The following ZNF14 variants were observed in gnomAD, a reference collection of about 807,000 sequenced individuals.
The protein encoded by ZNF14 is zinc finger protein 14.
Under a neutral mutation model 11.3 loss-of-function variants are expected in ZNF14, and 9 were observed. That is an observed-to-expected ratio of 0.80 (90% confidence interval 0.48 to 1.39). The LOEUF (loss-of-function observed/expected upper bound fraction) is 1.39. Among genes scored for constraint, ZNF14 ranks in the 40% most tolerant of loss-of-function variants. The probability of loss-of-function intolerance (pLI) is 0.00; values close to 1 mark genes in which losing one functional copy is unlikely to be tolerated. For synonymous variants in ZNF14, 239 were observed against 245.7 expected (o/e 0.97, Z 0.25); for missense variants, 711 against 763.9 (o/e 0.93, Z 0.82).
At chr19:19,715,248 T>C (rs1362948860) in intron 1 of ZNF14, among the ~76,000 whole-genome samples, 1 of 152,190 alleles carries the variant, frequency 6.6e-6, no homozygotes, top group Non-Finnish European at 1.5e-5. Flanking sequence ...CTTCAAGAAC[T>C]GTAGGCTTTT....
At chr19:19,729,304 A>C (rs979754220) in intron 1 of ZNF14, among the ~76,000 whole-genome samples, 4 of 137,836 alleles carry the variant, frequency 2.9e-5, no homozygotes, top group African/African-American at 8.2e-5. Flanking sequence ...GATCCTCATC[A>C]CTTTACACAC....
chr19:19,725,062 G>C (rs1258684344), intron 1 of ZNF14, among the ~76,000 whole-genome samples: 1 of 133,162 alleles, frequency 7.5e-6, no homozygotes, highest in East Asian at 2.1e-4. Flanking sequence ...CTTTTAATTG[G>C]AGCATTTACC....
chr19:19,725,030 T>C (rs2062403149), intron 1 of ZNF14, among the ~76,000 whole-genome samples: 1 of 133,904 alleles, frequency 7.5e-6, no homozygotes, highest in South Asian at 2.4e-4. Flanking sequence ...GTTGACTCTT[T>C]ATCCAATTTG....
Position 19,712,803 on chromosome 19 carries a change from C to T in ZNF14, c.478G>A (p.Glu160Lys). Reference protein sequence around the residue: ...FSYHHCFRKHERTHTGVKPYE... With the variant: ...FSYHHCFRKHKRTHTGVKPYE... Reference sequence around the variant, plus strand: ...GGCTTCACTCCAGTGTGAGTTCTTTCATGTTTGCGAAAGCAGTGGTGATAA... The same window carrying T: ...GGCTTCACTCCAGTGTGAGTTCTTTTATGTTTGCGAAAGCAGTGGTGATAA... Residue 160 changes from glutamate to lysine, a missense_variant, in exon 4 of 4, where the codon GAA (glutamate) becomes AAA (lysine). Transcript: ENST00000344099. The T allele has an allele frequency of 6.2e-7, 1 of 1,614,186 alleles. No individual in the cohort carries two copies. The highest frequency in any genetic ancestry group is 8.5e-7 in the Non-Finnish European group (1 of 1,180,030).
At chr19:19,729,537 G>A (rs1336910768) in intron 1 of ZNF14, among the ~76,000 whole-genome samples, 4 of 151,986 alleles carry the variant, frequency 2.6e-5, no homozygotes, top group Non-Finnish European at 4.4e-5. Context: ...GGCTGGTCTC[G>A]AACTCCTGAC....
Position 19,711,704 on chromosome 19 carries a change from G to A in ZNF14, c.1577C>T (p.Thr526Ile). 1 of 1,614,038 alleles carries A rather than the reference G, an allele frequency of 6.2e-7. No individual in the cohort carries two copies. Among genetic ancestry groups the A allele is most frequent in the Non-Finnish European group, 8.5e-7 (1 of 1,180,014 alleles). ...SSLREHEKIH[T>I]GNKPFECKQC... ...CTTACACTCAAAAGGCTTATTTCCAGTGTGAATTTTTTCATGTTCTCGAAG... is the reference window on the plus strand; with the variant it reads ...CTTACACTCAAAAGGCTTATTTCCAATGTGAATTTTTTCATGTTCTCGAAG... Residue 526 changes from threonine (T) to isoleucine (I), a missense_variant, in exon 4 of 4, where the codon ACT (threonine) becomes ATT (isoleucine). By Grantham distance (89) the Thr-to-Ile change is moderately conservative (BLOSUM62 -1). Transcript: ENST00000344099.
intron 1 of ZNF14, among the ~76,000 whole-genome samples, chr19:19,727,349 T>C (rs966457160): frequency 7.5e-6 from 1 of 132,776 alleles, no homozygotes; most frequent in Non-Finnish European, 1.7e-5. Context: ...AGTGATGGGG[T>C]CTCCCTATGT....
intron 1 of ZNF14, among the ~76,000 whole-genome samples, chr19:19,722,252 G>C (rs1477233458): frequency 6.6e-6 from 1 of 152,154 alleles, no homozygotes; most frequent in African/African-American, 2.4e-5. Context: ...ATCACCTTTA[G>C]CCTTTCTAAG....
At position 19,710,741 on chromosome 19, in the gene ZNF14, A is replaced by G. The variant is rs2062356353; in HGVS notation, c.*611T>C. The stretch of plus-strand genomic sequence containing the variant: ...ACTCTGACTCCTTTCATATATTCAC[A>G]CTCTAGAGGACAGTTGGAAGATTTT... On this transcript the variant is annotated 3_prime_UTR_variant, in exon 4 of 4. Transcript: ENST00000344099. 6.6e-6 allele frequency: 1 copy of G among 152,566 alleles called. No individual in the cohort carries two copies. 9.5% of individuals were successfully genotyped at this position (152,566 alleles called of 1,614,324 possible).
At chr19:19,721,221 G>C (rs2062392640) in intron 1 of ZNF14, among the ~76,000 whole-genome samples, 1 of 152,166 alleles carries the variant, frequency 6.6e-6, no homozygotes, top group African/African-American at 2.4e-5. Context: ...CTCCCAAAGT[G>C]CTAGGATTAC....
rs544284274 is a variant in ZNF14, at chr19:19,718,713, G to A, written c.4-4226C>T. On this transcript the variant is annotated intron_variant, in intron 1 of 3. Coordinates refer to ENST00000344099, the MANE Select transcript of ZNF14 (RefSeq NM_021030.3). ...TAAAAGACAAAGAAAAACTTTGAAA[G>A]AAGTTACAGGGGGAACAAACAACAT... 1.1e-4 allele frequency among the ~76,000 whole-genome samples: 16 copies of A among 152,272 alleles called. No homozygotes were observed. The South Asian group carries it at 3.3e-3, about 32-fold the overall frequency.
At chr19:19,715,737 A>G (rs1327944678) in intron 1 of ZNF14, among the ~76,000 whole-genome samples, 1 of 152,228 alleles carries the variant, frequency 6.6e-6, no homozygotes, top group Non-Finnish European at 1.5e-5. Context: ...TAGGCAGTCA[A>G]TTTTTAAAGG....
At chr19:19,732,849 C>T in intron 1 of ZNF14, 107 bp downstream of exon 1, 2 of 1,446,120 alleles carry the variant, frequency 1.4e-6, no homozygotes, top group Non-Finnish European at 1.9e-6. Context: ...CCCGCGGTGG[C>T]CCCCGGGTCT....
At chr19:19,726,894 G>C (rs1401624265) in intron 1 of ZNF14, among the ~76,000 whole-genome samples, 1 of 134,226 alleles carries the variant, frequency 7.5e-6, no homozygotes, top group Non-Finnish European at 1.7e-5. Context: ...CCAGGCATGG[G>C]ATATAATCTC....
At chr19:19,732,533 C>A (rs1376182648) in intron 1 of ZNF14, among the ~76,000 whole-genome samples, 1 of 152,194 alleles carries the variant, frequency 6.6e-6, no homozygotes, top group Non-Finnish European at 1.5e-5. Flanking sequence ...GGAACCTGAC[C>A]CCGGCAGCAA....
intron 1 of ZNF14, among the ~76,000 whole-genome samples, chr19:19,728,492 T>C (rs1279347793): frequency 1.3e-5 from 1 of 79,772 alleles, no homozygotes; most frequent in African/African-American, 5.0e-5. Context: ...CTCCAGACTG[T>C]GCGAAAGTGC....
intron 1 of ZNF14, among the ~76,000 whole-genome samples, chr19:19,731,323 C>G (rs2062422520): frequency 6.6e-6 from 1 of 152,040 alleles, no homozygotes; most frequent in Non-Finnish European, 1.5e-5. Context: ...GCCTGTAATC[C>G]CAGCACTTTG....
At position 19,727,348 on chromosome 19, in the gene ZNF14, G is replaced by T. The variant is rs1248755715; in HGVS notation, c.3+5608C>A. 4.5e-5 allele frequency among the ~76,000 whole-genome samples: 6 copies of T among 132,900 alleles called. 1 individual carries two copies. Among genetic ancestry groups the T allele is most frequent in the Admixed American group, 3.7e-4 (5 of 13,492 alleles). The allele number at this position is 132,900 out of a possible 152,430, so 87.2% of individuals were successfully genotyped here. A position where few individuals can be genotyped will look rare whatever the true frequency, so the allele number is the denominator to read the frequency against. Reference sequence around the variant, plus strand: ...TTTTTTCTTTTTTTGTAGTGATGGGGTCTCCCTATGTTGCTGGTCTCAAGT... The same window carrying T: ...TTTTTTCTTTTTTTGTAGTGATGGGTTCTCCCTATGTTGCTGGTCTCAAGT... On this transcript the variant is annotated intron_variant, in intron 1 of 3. Coordinates refer to ENST00000344099, the MANE Select transcript of ZNF14 (RefSeq NM_021030.3).
chr19:19,714,335 G>T, intron 2 of ZNF14, 26 bp downstream of exon 2: 2 of 1,612,944 alleles, frequency 1.2e-6, no homozygotes, highest in Non-Finnish European at 1.7e-6. Context: ...ATATTTAACT[G>T]AGGAAAGAAA....
Sources: allele counts gnomAD v4.1 joint callset (sites outside exome capture counted in the v4.1 genomes callset), GRCh38; gene constraint gnomAD v4.1.1; transcripts MANE v1.5; gene names NCBI Gene and HGNC (gene_info 2026-07-23, HGNC 2026-07-21).